The following ARHGAP32 variants were observed in gnomAD, a reference collection of about 807,000 sequenced individuals.
ARHGAP32 encodes Rho GTPase activating protein 32, also known as rho GTPase-activating protein 32.
In ARHGAP32, 51 loss-of-function variants were observed where a neutral mutation model predicts 186.5. The observed-to-expected ratio is 0.27, with a 90% CI of 0.22 to 0.35. The LOEUF is 0.35. ARHGAP32 is among the 10% of genes least tolerant of loss of function. The probability of loss-of-function intolerance (pLI) is 1.00; values close to 1 mark genes in which losing one functional copy is unlikely to be tolerated. For missense variants in ARHGAP32, 2,186 were observed against 2,623.5 expected, an observed-to-expected ratio of 0.83 and a Z score of 3.64; for synonymous variants, 950 against 964.3, an observed-to-expected ratio of 0.99 and a Z score of 0.27.
chr11:129,021,438 G>A (rs1938588938), intron 11 of ARHGAP32, among the ~76,000 whole-genome samples: 1 of 151,966 alleles, frequency 6.6e-6, no homozygotes, highest in Non-Finnish European at 1.5e-5. Flanking sequence ...TGAAACCAAA[G>A]CAACATCACT....
chr11:129,140,088 C>A (rs557774374), intron 2 of ARHGAP32, among the ~76,000 whole-genome samples: 1 of 152,282 alleles, frequency 6.6e-6, no homozygotes, highest in Non-Finnish European at 1.5e-5. Context: ...AGAGTTTTCT[C>A]CAGCTGGTAG....
intron 2 of ARHGAP32, among the ~76,000 whole-genome samples, chr11:129,162,825 A>G (rs1943558823): frequency 6.6e-6 from 1 of 152,170 alleles, no homozygotes; most frequent in Non-Finnish European, 1.5e-5. Context: ...GTATTCTGAG[A>G]ATCACAAGTA....
chr11:129,207,182 C>T (rs1042325787), intron 1 of ARHGAP32, among the ~76,000 whole-genome samples: 1 of 152,096 alleles, frequency 6.6e-6, no homozygotes, highest in African/African-American at 2.4e-5. Flanking sequence ...GGTTCCAAGT[C>T]TTTGCTATTG....
In ARHGAP32 at chr11:129,086,967, T is replaced by C. The variant is rs550670634; in HGVS notation, c.531+6654A>G. Among the ~76,000 whole-genome samples the C allele has an allele frequency of 1.2e-3, 180 of 152,188 alleles. 1 individual carries two copies. Among genetic ancestry groups the C allele is most frequent in the Middle Eastern group, 3.4e-3 (1 of 294 alleles). Reference sequence around the variant, plus strand: ...CAGACATCTCACCAAAGAAGACAGATATACAGATGGTTAATAGCATATAAA... The same window carrying C: ...CAGACATCTCACCAAAGAAGACAGACATACAGATGGTTAATAGCATATAAA... On this transcript the variant is annotated intron_variant, in intron 6 of 22. Transcript: ENST00000682385.
At chr11:129,004,478 G>A (rs1224731600) in intron 11 of ARHGAP32, among the ~76,000 whole-genome samples, 1 of 151,986 alleles carries the variant, frequency 6.6e-6, no homozygotes, top group East Asian at 1.9e-4. Flanking sequence ...GAAGTCTCCA[G>A]CTATTATTGT....
intron 5 of ARHGAP32, among the ~76,000 whole-genome samples, chr11:129,117,171 A>G (rs982416310): frequency 7.2e-5 from 11 of 152,022 alleles, no homozygotes; most frequent in African/African-American, 2.7e-4. Context: ...CTAGCAATAC[A>G]AAAGAACATG....
rs143477622 is a variant in ARHGAP32 at position 128,970,317 on chromosome 11, G to A, written c.4896C>T (p.Tyr1632=). ...DEPAYCPRPL[Y]QYKPYQSSQA... ...GGGAGGACTGATATGGCTTATATTG[G>A]TACAGAGGTCTTGGGCAGTAGGCTG... The change falls in exon 23 of 23, where the codon TAC becomes TAT. Residue 1632 remains tyrosine, a synonymous_variant. Coordinates refer to ENST00000682385, the MANE Select transcript of ARHGAP32 (RefSeq NM_001378024.1). This position sits in a 1 kb window ranked among gnomAD's most constrained non-coding sequence, Gnocchi z 5.8. The A allele has an allele frequency of 6.2e-6, 10 of 1,614,064 alleles. No individual in the cohort carries two copies. Among genetic ancestry groups the A allele is most frequent in the Non-Finnish European group, 7.6e-6 (9 of 1,180,034 alleles).
chr11:129,215,792 C>T (rs1270725104), intron 1 of ARHGAP32, among the ~76,000 whole-genome samples: 1 of 152,150 alleles, frequency 6.6e-6, no homozygotes, highest in Non-Finnish European at 1.5e-5. Context: ...GTGTGGCAAA[C>T]CGATATGGCT....
intron 1 of ARHGAP32, among the ~76,000 whole-genome samples, chr11:129,247,805 T>C (rs1230241393): frequency 6.6e-6 from 1 of 152,168 alleles, no homozygotes; most frequent in Non-Finnish European, 1.5e-5. Flanking sequence ...CTTAGAATTC[T>C]CCAAGTATTA....
At chr11:129,141,121 T>A (rs551041124) in intron 2 of ARHGAP32, among the ~76,000 whole-genome samples, 2 of 152,290 alleles carry the variant, frequency 1.3e-5, no homozygotes, top group South Asian at 4.1e-4. Context: ...AGCAAGGAAA[T>A]ATAAAATTGT....
Position 128,969,316 on chromosome 11 carries a change from C to G in ARHGAP32, c.5897G>C (p.Trp1966Ser). Residue 1966 changes from tryptophan (W) to serine (S), a missense_variant, in exon 23 of 23, where the codon TGG becomes TCG. Physicochemically the swap from Trp to Ser is radical, Grantham distance 177. Around this residue, in one of 5 missense-constraint regions of ARHGAP32, gnomAD observed 1,502 missense variants for 1,570.0 expected, o/e 0.96. Transcript: ENST00000682385. This position sits in a 1 kb window ranked among gnomAD's most constrained non-coding sequence, Gnocchi z 4.8. The part of the protein sequence containing the change: ...VRLSKEMERP[W>S]VRQPSAPEKH... ...CTCTGGGGCAGAAGGCTGCCTAACC[C>G]AGGGTCGCTCCATCTCTTTGGAGAG... 3 of 1,614,244 alleles carry G rather than the reference C, an allele frequency of 1.9e-6. No individual in the cohort carries two copies. The highest frequency in any genetic ancestry group is 1.7e-6 in the Non-Finnish European group (2 of 1,180,052).
rs183938624 is a variant in ARHGAP32, at chr11:128,971,298, G to A, written c.4054-139C>T. 405 of 651,244 alleles carry A rather than the reference G, an allele frequency of 6.2e-4. 4 individuals carry two copies. In the East Asian group the frequency reaches 9.6e-3, roughly 15 times the overall value. 40.3% of individuals were successfully genotyped at this position (651,244 alleles called of 1,614,324 possible). Reference sequence around the variant, plus strand: ...CAAGCCATGTGGTTGCAATGAATCTGTACCCATTTCTAGGAAAAGAAGGCT... The same window carrying A: ...CAAGCCATGTGGTTGCAATGAATCTATACCCATTTCTAGGAAAAGAAGGCT... On this transcript the variant is annotated intron_variant, in intron 22 of 22. Transcript: ENST00000682385.
Position 129,235,939 on chromosome 11 carries a change from A to T in ARHGAP32, c.-5+43207T>A, listed in dbSNP as rs923768764. ...CACACACACACACACACACACACAC[A>T]CTCACACACATTTTCTTTATCCACT... On this transcript the variant is annotated intron_variant, in intron 1 of 6. Transcript: ENST00000525234. Among the ~76,000 whole-genome samples, 13 of 135,924 alleles carry T rather than the reference A, an allele frequency of 9.6e-5. No individual in the cohort carries two copies. In the South Asian group the frequency reaches 1.2e-3, roughly 12 times the overall value. 89.2% of individuals were successfully genotyped at this position (135,924 alleles called of 152,430 possible). A position where few individuals can be genotyped will look rare whatever the true frequency, so the allele number is the denominator to read the frequency against.
chr11:128,983,248 G>A (rs550439214), intron 15 of ARHGAP32, among the ~76,000 whole-genome samples: 17 of 152,288 alleles, frequency 1.1e-4, no homozygotes, highest in Admixed American at 1.3e-4. Context: ...GTGCCTGCGC[G>A]TTCAAGGGCA....
chr11:129,216,001 A>G (rs1034315715), intron 1 of ARHGAP32, among the ~76,000 whole-genome samples: 17 of 152,196 alleles, frequency 1.1e-4, no homozygotes, highest in African/African-American at 3.9e-4. Context: ...ATGTGAAAAC[A>G]GAGGCAGAAA....
At chr11:128,995,210 T>G (rs1281574965) in intron 12 of ARHGAP32, among the ~76,000 whole-genome samples, 1 of 152,066 alleles carries the variant, frequency 6.6e-6, no homozygotes, top group East Asian at 1.9e-4. Flanking sequence ...CAAACTTATT[T>G]TATTTATTTA....
At chr11:129,153,799 A>G (rs918353577) in intron 2 of ARHGAP32, among the ~76,000 whole-genome samples, 1 of 152,170 alleles carries the variant, frequency 6.6e-6, no homozygotes, top group African/African-American at 2.4e-5. Context: ...AATATCAGAA[A>G]AACTCTTCTA....
chr11:129,154,185 T>C (rs981190233), intron 2 of ARHGAP32, among the ~76,000 whole-genome samples: 1 of 152,110 alleles, frequency 6.6e-6, no homozygotes. Context: ...ATGAGATAAC[T>C]TCTTACTTCT....
intron 2 of ARHGAP32, among the ~76,000 whole-genome samples, chr11:129,140,342 G>A (rs923952249): frequency 6.6e-6 from 1 of 152,196 alleles, no homozygotes; most frequent in Non-Finnish European, 1.5e-5. Context: ...AGGAGACCCT[G>A]AGCAGAGAAC....
Sources: allele counts gnomAD v4.1 joint callset (sites outside exome capture counted in the v4.1 genomes callset), GRCh38; gene constraint gnomAD v4.1.1; regional missense constraint gnomAD v4.1.1; non-coding constraint Gnocchi (gnomAD v3.1); transcripts MANE v1.5; gene names NCBI Gene and HGNC (gene_info 2026-07-23, HGNC 2026-07-21).